The following RAB9B variants were observed in gnomAD, a reference collection of about 807,000 sequenced individuals.
RAB9B encodes RAB9B, member RAS oncogene family, also known as ras-related protein Rab-9B.
Under a neutral mutation model 8.9 loss-of-function variants are expected in RAB9B, and 1 was observed. That is an observed-to-expected ratio of 0.11 (90% CI 0.04 to 0.53). The LOEUF (loss-of-function observed/expected upper bound fraction) is 0.53. RAB9B is among the 20% of genes least tolerant of loss of function. The probability of loss-of-function intolerance (pLI) is 0.93; values close to 1 mark genes in which losing one functional copy is unlikely to be tolerated. For synonymous variants in RAB9B, 63 were observed against 57.0 expected (o/e 1.10, Z -0.47); for missense variants, 82 against 152.9 (o/e 0.54, Z 2.45).
chrX:103,781,448 C>T, the RAB9B span: 3 of 207,864 alleles, frequency 1.4e-5, no homozygotes, highest in South Asian at 6.6e-5. Context: ...CCAACCATGA[C>T]ATGATCTTTT....
At chrX:103,817,717 A>G (rs2074645162), downstream of RAB9B, among the ~76,000 whole-genome samples, 1 of 110,733 alleles carries the variant, frequency 9.0e-6, no homozygotes, top group South Asian at 3.8e-4. Flanking sequence ...CTCTGCATTT[A>G]TATTTAACAC....
chrX:103,811,385 C>T, the RAB9B span, among the ~76,000 whole-genome samples: 1 of 111,975 alleles, frequency 8.9e-6, no homozygotes, highest in East Asian at 2.8e-4. Context: ...AATGCTTATT[C>T]TCCATACCAT....
chrX:103,788,380 C>T, the RAB9B span: 1 of 860,152 alleles, frequency 1.2e-6, no homozygotes, highest in Non-Finnish European at 1.7e-6. Context: ...GGAAAGTCTC[C>T]ATGTGGCCCC....
At chrX:103,831,131 T>C (rs145958100) in intron 1 of RAB9B, among the ~76,000 whole-genome samples, 157 of 111,284 alleles carry the variant, frequency 1.4e-3, no homozygotes, top group African/African-American at 4.9e-3. Flanking sequence ...CAACTCACTG[T>C]TGAATGCTGG....
intron 2 of RAB9B, among the ~76,000 whole-genome samples, 188 bp downstream of exon 2, chrX:103,826,817 C>T (rs73633895): frequency 0.021 from 2,318 of 111,496 alleles, 61 homozygotes; most frequent in African/African-American, 0.07. Context: ...AATCACTAAT[C>T]GAAGGAGTGC....
chrX:103,828,985 G>A, intron 1 of RAB9B, among the ~76,000 whole-genome samples: 1 of 111,905 alleles, frequency 8.9e-6, no homozygotes. Context: ...TAAAAATAGA[G>A]CAGATAATAC....
At chrX:103,794,193 C>T in the RAB9B span, among the ~76,000 whole-genome samples, 1 of 111,202 alleles carries the variant, frequency 9.0e-6, no homozygotes, top group Non-Finnish European at 1.9e-5. Context: ...GCAGTCTGAT[C>T]GGCTGACTCC....
chrX:103,793,031 A>C, the RAB9B span, among the ~76,000 whole-genome samples: 2 of 112,222 alleles, frequency 1.8e-5, no homozygotes, highest in African/African-American at 6.5e-5. Context: ...AATTGTTTGG[A>C]TATTCCAGTA....
At chrX:103,800,463 T>C in the RAB9B span, among the ~76,000 whole-genome samples, 2 of 111,660 alleles carry the variant, frequency 1.8e-5, no homozygotes, top group African/African-American at 6.5e-5. Flanking sequence ...TCTGTGGAAG[T>C]GTGAAAGGTG....
the RAB9B span, among the ~76,000 whole-genome samples, chrX:103,802,950 TC>T: frequency 8.9e-6 from 1 of 111,962 alleles, no homozygotes; most frequent in Non-Finnish European, 1.9e-5. Flanking sequence ...CTGGCTTACT[TC>T]CTTTAACATA....
chrX:103,800,437 T>C, the RAB9B span, among the ~76,000 whole-genome samples: 1 of 111,667 alleles, frequency 9.0e-6, no homozygotes, highest in Non-Finnish European at 1.9e-5. Context: ...TTTTTCTTTC[T>C]CTTTCCCCTC....
At chrX:103,805,872 A>G in the RAB9B span, among the ~76,000 whole-genome samples, 2 of 111,185 alleles carry the variant, frequency 1.8e-5, no homozygotes, top group Non-Finnish European at 3.8e-5. Context: ...CAAAGAACCA[A>G]CTTTTGATTT....
downstream of RAB9B, among the ~76,000 whole-genome samples, chrX:103,817,630 T>C (rs2074644573): frequency 9.1e-6 from 1 of 110,020 alleles, no homozygotes; most frequent in Non-Finnish European, 1.9e-5. Context: ...TGCACACATA[T>C]ATATAAGTTT....
At chrX:103,790,936 G>A in the RAB9B span, 1 of 283,494 alleles carries the variant, frequency 3.5e-6, no homozygotes, top group Non-Finnish European at 6.3e-6. Context: ...TCTTCTCAAA[G>A]GGTACTTCCA....
chrX:103,786,263 T>A, the RAB9B span: 17 of 1,119,038 alleles, frequency 1.5e-5, no homozygotes, highest in Non-Finnish European at 2.0e-5. Flanking sequence ...GGGGCATATG[T>A]TTCTGGTCAC....
the RAB9B span, chrX:103,780,923 G>T: frequency 7.9e-6 from 1 of 127,351 alleles, no homozygotes; most frequent in Non-Finnish European, 1.6e-5. Flanking sequence ...AAGGTTAAGG[G>T]GTGGGTTCTG....
chrX:103,808,483 A>T, the RAB9B span, among the ~76,000 whole-genome samples: 1 of 112,512 alleles, frequency 8.9e-6, no homozygotes, highest in South Asian at 3.7e-4. Flanking sequence ...GTCTCCCAGA[A>T]GAGGCTGTTT....
the RAB9B span, chrX:103,791,980 G>A: frequency 8.9e-6 from 1 of 111,802 alleles, no homozygotes; most frequent in African/African-American, 3.3e-5. Context: ...ATTTTCTCCT[G>A]ATATAGATCA....
chrX:103,819,214 C>T (rs1432335973), downstream of RAB9B, among the ~76,000 whole-genome samples: 1 of 111,899 alleles, frequency 8.9e-6, no homozygotes, highest in Non-Finnish European at 1.9e-5. Context: ...ATTAAGGCAG[C>T]ATTTCCCAAT....
Sources: gnomAD v4.1 joint callset for allele counts (sites outside exome capture counted in the v4.1 genomes callset) on GRCh38, gnomAD v4.1.1 for gene constraint, MANE v1.5 for transcripts, NCBI Gene and HGNC (gene_info 2026-07-23, HGNC 2026-07-21) for gene names.